Variants in UBE3C observed in about 807,000 individuals in gnomAD.
UBE3C encodes the protein ubiquitin protein ligase E3C.
In UBE3C, 42 loss-of-function variants were observed where a neutral mutation model predicts 129.4. That is an observed-to-expected ratio of 0.32 (90% CI 0.25 to 0.42). The LOEUF is 0.42. Among genes scored for constraint, UBE3C ranks in the 10% least tolerant of loss-of-function variants. The pLI, the probability that UBE3C is intolerant of heterozygous loss-of-function variation, is 1.00. For missense variants in UBE3C, 1,049 were observed against 1,319.1 expected, an observed-to-expected ratio of 0.80 and a Z score of 3.17; for synonymous variants, 510 against 492.4, an observed-to-expected ratio of 1.04 and a Z score of -0.47.
In UBE3C at chr7:157,213,223, TA is replaced by T. The variant is rs563829326; in HGVS notation, c.1810-3640del. Among the ~76,000 whole-genome samples, 25 of 152,364 alleles carry T rather than the reference TA, an allele frequency of 1.6e-4. No individual in the cohort carries two copies. The South Asian group carries it at 2.5e-3, about 15-fold the overall frequency. Reference sequence around the variant, plus strand: ...TTGTATTTCAGAACTTAAAATCCACTAAAATTTGTATATTCAGCTAGATACA... The same window carrying T: ...TTGTATTTCAGAACTTAAAATCCACTAAATTTGTATATTCAGCTAGATACA... On this transcript the variant is annotated intron_variant, in intron 13 of 22. Transcript: ENST00000348165.
At position 157,256,527 on chromosome 7, in the gene UBE3C, C is replaced by CG. The variant is rs1796756402; in HGVS notation, c.2951-381dup. 6.3e-5 allele frequency among the ~76,000 whole-genome samples: 5 copies of CG among 79,270 alleles called. No individual in the cohort carries two copies. In the South Asian group the frequency reaches 1.8e-3, roughly 28 times the overall value. 52.0% of individuals were successfully genotyped at this position (79,270 alleles called of 152,430 possible). A position where few individuals can be genotyped will look rare whatever the true frequency, so the allele number is the denominator to read the frequency against. ...TAATTGGCGGTGGGTGGGGTGGGGG[C>CG]GGGGGGAGGCAGAGAATTCCGCTTT... On this transcript the variant is annotated intron_variant, in intron 21 of 22. Coordinates refer to ENST00000348165, the MANE Select transcript of UBE3C (RefSeq NM_014671.3).
Position 157,220,738 on chromosome 7 carries a change from G to C in UBE3C, c.1964G>C (p.Arg655Pro). 6.2e-7 allele frequency: 1 copy of C among 1,614,180 alleles called. No individual in the cohort carries two copies. Among genetic ancestry groups the C allele is most frequent in the South Asian group, 1.1e-5 (1 of 91,084 alleles). Residue 655 changes from arginine to proline, a missense_variant, in exon 15 of 23, where the codon CGG becomes CCG. Arg to Pro is a moderately radical substitution (Grantham distance 103). Coordinates refer to ENST00000348165, the MANE Select transcript of UBE3C (RefSeq NM_014671.3). ...PASRHVWRFR[R>P]MGRIGPLQST... ...TCCAGACATGTGTGGAGGTTCCGGCGGATGGGGAGGATAGGCCCGCTGCAG... is the reference window on the plus strand; with the variant it reads ...TCCAGACATGTGTGGAGGTTCCGGCCGATGGGGAGGATAGGCCCGCTGCAG...
chr7:157,162,454 A>G (rs1808097899), intron 1 of UBE3C, among the ~76,000 whole-genome samples: 2 of 152,074 alleles, frequency 1.3e-5, no homozygotes, highest in African/African-American at 2.4e-5. Context: ...CGGCCTCCCA[A>G]AGTGCTGGGA....
chr7:157,223,949 T>A (rs930804742), intron 16 of UBE3C, among the ~76,000 whole-genome samples: 4 of 152,012 alleles, frequency 2.6e-5, no homozygotes, highest in Non-Finnish European at 4.4e-5. Flanking sequence ...GCATTGTTTT[T>A]GAAAAAGCAA....
chr7:157,264,296 TACACACACAC>T (rs71189993), intron 22 of UBE3C, among the ~76,000 whole-genome samples: 2 of 111,964 alleles, frequency 1.8e-5, no homozygotes, highest in Non-Finnish European at 3.5e-5. Flanking sequence ...CTTGGCCTGT[TACACACACAC>T]ACACACACAC....
At chr7:157,247,803 G>T (rs1408919706) in intron 18 of UBE3C, among the ~76,000 whole-genome samples, 4 of 152,180 alleles carry the variant, frequency 2.6e-5, no homozygotes, top group Non-Finnish European at 4.4e-5. Flanking sequence ...GGCTGCTTTT[G>T]TGCTGCAGGG....
chr7:157,208,960 T>C (rs1177779759), intron 13 of UBE3C, among the ~76,000 whole-genome samples: 1 of 152,268 alleles, frequency 6.6e-6, no homozygotes, highest in Non-Finnish European at 1.5e-5. Context: ...TCTCGCACAC[T>C]AATGTTCAGT....
intron 18 of UBE3C, among the ~76,000 whole-genome samples, chr7:157,242,889 T>G (rs1166784347): frequency 6.6e-6 from 1 of 152,126 alleles, no homozygotes; most frequent in Non-Finnish European, 1.5e-5. Flanking sequence ...ACCCCGTCTC[T>G]ACTCAAAATA....
At chr7:157,225,751 C>G (rs907291789) in intron 17 of UBE3C, among the ~76,000 whole-genome samples, 9 of 152,090 alleles carry the variant, frequency 5.9e-5, no homozygotes, top group African/African-American at 2.2e-4. Flanking sequence ...GAGTTAGAGG[C>G]CAGCCTGGGC....
chr7:157,256,794 A>G (rs1796763396), intron 21 of UBE3C, 120 bp from the exon 22 acceptor site: 1 of 1,346,380 alleles, frequency 7.4e-7, no homozygotes, highest in South Asian at 1.4e-5. Context: ...ACGCCGTTTT[A>G]GAGAAGGGAC....
intron 1 of UBE3C, among the ~76,000 whole-genome samples, chr7:157,140,618 CA>C (rs1202348200): frequency 2.0e-5 from 3 of 152,202 alleles, no homozygotes; most frequent in African/African-American, 7.2e-5. Flanking sequence ...AGGTGAGCTG[CA>C]GAACATTTGA....
rs772495759 is a variant in UBE3C at position 157,248,406 on chromosome 7, A to G, written c.2520A>G (p.Ala840=). Reference sequence around the variant, plus strand: ...ACATGCTGGTGGAGCTGCCCTTTGCAGGCTTCTTTCTTTCCAAGTTGCTTG... The same window carrying G: ...ACATGCTGGTGGAGCTGCCCTTTGCGGGCTTCTTTCTTTCCAAGTTGCTTG... ...YENMLVELPF[A]GFFLSKLLGT... Residue 840 remains alanine, a synonymous_variant, in exon 19 of 23, where the codon GCA becomes GCG. Transcript: ENST00000348165. 7 of 1,613,392 alleles carry G rather than the reference A, an allele frequency of 4.3e-6. No homozygotes were observed. The highest frequency in any genetic ancestry group is 1.1e-5 in the South Asian group (1 of 91,058).
chr7:157,248,649 C>G, intron 19 of UBE3C, 69 bp downstream of exon 19: 1 of 1,523,946 alleles, frequency 6.6e-7, no homozygotes, highest in Non-Finnish European at 9.0e-7. Context: ...GTGTGGAAGT[C>G]CATTTGTGTT....
At chr7:157,227,195 T>C (rs998879833) in intron 17 of UBE3C, among the ~76,000 whole-genome samples, 4 of 152,020 alleles carry the variant, frequency 2.6e-5, no homozygotes, top group African/African-American at 9.7e-5. Flanking sequence ...GTGTAGTGTT[T>C]AGAGAAGAGT....
rs375484622 is a variant in UBE3C at position 157,214,255 on chromosome 7, TATA to T, written c.1810-2606_1810-2604del. Among the ~76,000 whole-genome samples, 114 of 152,326 alleles carry T rather than the reference TATA, an allele frequency of 7.5e-4. 1 individual carries two copies. The East Asian group carries it at 0.013, about 17-fold the overall frequency. On this transcript the variant is annotated intron_variant, in intron 13 of 22. Transcript: ENST00000348165. ...TTGAAATTTTTTTAACATTTAATTG[TATA>T]ATAATTTAGTAGAAGAATGTAAATG...
At chr7:157,204,911 G>T (rs1402243428) in intron 11 of UBE3C, among the ~76,000 whole-genome samples, 1 of 152,192 alleles carries the variant, frequency 6.6e-6, no homozygotes, top group Admixed American at 6.5e-5. Flanking sequence ...GGGGGACATT[G>T]GACGAGGAGG....
chr7:157,203,227 G>A (rs868641433), intron 11 of UBE3C, among the ~76,000 whole-genome samples: 2 of 152,096 alleles, frequency 1.3e-5, no homozygotes, highest in Admixed American at 6.5e-5. Context: ...TGAGGAAAGG[G>A]GAGTTTTACT....
chr7:157,184,523 C>G (rs990190624), intron 9 of UBE3C, among the ~76,000 whole-genome samples: 3 of 152,288 alleles, frequency 2.0e-5, no homozygotes, highest in African/African-American at 7.2e-5. Context: ...ATTATATATA[C>G]ATGCATACAT....
intron 22 of UBE3C, among the ~76,000 whole-genome samples, chr7:157,263,720 G>A (rs1796986040): frequency 6.8e-6 from 1 of 146,514 alleles, no homozygotes; most frequent in Non-Finnish European, 1.5e-5. Flanking sequence ...TGGGAGCGCT[G>A]TTGGCACCGA....
Sources: allele counts gnomAD v4.1 joint callset (sites outside exome capture counted in the v4.1 genomes callset), GRCh38; gene constraint gnomAD v4.1.1; transcripts MANE v1.5; gene names NCBI Gene and HGNC (gene_info 2026-07-23, HGNC 2026-07-21).